EPHA7: variants seen among roughly 807,000 people sequenced by gnomAD.
The protein encoded by EPHA7 is EPH receptor A7.
Under a neutral mutation model 112.6 loss-of-function variants are expected in EPHA7, and 25 were observed. That is an observed-to-expected ratio of 0.22 (90% CI 0.16 to 0.31). EPHA7 has a LOEUF of 0.31. Ranked by LOEUF, EPHA7 falls within the 10% of genes least tolerant of loss-of-function variation. The probability of loss-of-function intolerance (pLI) is 1.00; values close to 1 mark genes in which losing one functional copy is unlikely to be tolerated. For synonymous variants in EPHA7, 437 were observed against 406.5 expected (o/e 1.07, Z -0.90); for missense variants, 962 against 1,212.6 (o/e 0.79, Z 3.07).
At chr6:93,269,000 C>A (rs932778352) in intron 7 of EPHA7, among the ~76,000 whole-genome samples, 1 of 151,744 alleles carries the variant, frequency 6.6e-6, no homozygotes, top group Non-Finnish European at 1.5e-5. Flanking sequence ...CCTTCCTGAA[C>A]TCTAATTTTT....
In EPHA7 at chr6:93,256,055, T is replaced by C. The variant is rs977322542; in HGVS notation, c.2173-18A>G. The C allele has an allele frequency of 1.9e-6, 3 of 1,611,964 alleles. No individual in the cohort carries two copies. The highest frequency in any genetic ancestry group is 1.7e-5 in the Admixed American group (1 of 59,952). On this transcript the variant is annotated intron_variant, in intron 12 of 16. Coordinates refer to ENST00000369303, the MANE Select transcript of EPHA7 (RefSeq NM_004440.4). ...TCATGTTTCTGCAGGAAGACAAAAA[T>C]AAAAGCCCAGTTAACTGCATACTTT...
chr6:93,389,105 T>C (rs1236963604), intron 3 of EPHA7, among the ~76,000 whole-genome samples: 1 of 152,032 alleles, frequency 6.6e-6, no homozygotes, highest in African/African-American at 2.4e-5. Context: ...AGAGAATCAA[T>C]AAGATTTCTG....
At chr6:93,269,336 A>G in intron 7 of EPHA7, 141 bp downstream of exon 7, 3 of 592,552 alleles carry the variant, frequency 5.1e-6, no homozygotes, top group Non-Finnish European at 7.9e-6. Context: ...GAACTTTTAC[A>G]AAGTACATTT....
chr6:93,383,218 C>T lies in EPHA7; in HGVS notation c.833-24807G>A, dbSNP rs142624616. 5.1e-3 allele frequency among the ~76,000 whole-genome samples: 771 copies of T among 150,876 alleles called. 2 individuals carry two copies. Among genetic ancestry groups the T allele is most frequent in the African/African-American group, 0.018 (727 of 40,930 alleles). ...GTGTATATATATACATATATACATA[C>T]ACATATACATATATATAAAATATAC... is the stretch of plus-strand genomic sequence containing the variant. On this transcript the variant is annotated intron_variant, in intron 3 of 16. Coordinates refer to ENST00000369303, the MANE Select transcript of EPHA7 (RefSeq NM_004440.4).
At chr6:93,374,199 A>G (rs1430477974) in intron 3 of EPHA7, among the ~76,000 whole-genome samples, 1 of 152,176 alleles carries the variant, frequency 6.6e-6, no homozygotes, top group Non-Finnish European at 1.5e-5. Flanking sequence ...TATATTTGCT[A>G]AATTTCTAAA....
At chr6:93,409,719 C>G (rs1471588074) in intron 3 of EPHA7, 2 of 150,728 alleles carry the variant, frequency 1.3e-5, no homozygotes, top group African/African-American at 4.9e-5. Context: ...CTTGAAGGTC[C>G]ATATGACATA....
Position 93,272,886 on chromosome 6 carries a change from T to A in EPHA7, c.1325-464A>T, listed in dbSNP as rs149579297. Reference sequence around the variant, plus strand: ...TCTTCAATTAAAGGAATCATATTTTTAAAAATGTTTCCATGTTTCACTTGG... The same window carrying A: ...TCTTCAATTAAAGGAATCATATTTTAAAAAATGTTTCCATGTTTCACTTGG... On this transcript the variant is annotated intron_variant, in intron 5 of 16. Transcript: ENST00000369303. Among the ~76,000 whole-genome samples, 769 of 152,096 alleles carry A rather than the reference T, an allele frequency of 5.1e-3. 8 individuals carry two copies. Among genetic ancestry groups the A allele is most frequent in the South Asian group, 0.016 (78 of 4,826 alleles).
chr6:93,253,508 T>C (rs1582394069), intron 14 of EPHA7, among the ~76,000 whole-genome samples: 1 of 152,104 alleles, frequency 6.6e-6, no homozygotes, highest in Admixed American at 6.6e-5. Context: ...AGACCCAATG[T>C]AGATTTTCCT....
At chr6:93,318,293 A>C (rs1308358239) in intron 5 of EPHA7, among the ~76,000 whole-genome samples, 3 of 152,054 alleles carry the variant, frequency 2.0e-5, no homozygotes, top group Non-Finnish European at 4.4e-5. Context: ...ATTGGCCTGC[A>C]TGTCTCCATA....
intron 3 of EPHA7, among the ~76,000 whole-genome samples, chr6:93,402,542 G>A (rs479704): frequency 0.16 from 23,891 of 151,800 alleles, 3,090 homozygotes; most frequent in African/African-American, 0.36. Context: ...CAAGTATTTT[G>A]AGTTTCTGAA....
At position 93,412,903 on chromosome 6, in the gene EPHA7, C is replaced by A. The variant is rs143560095; in HGVS notation, c.163-1733G>T. On this transcript the variant is annotated intron_variant, in intron 2 of 16. Coordinates refer to ENST00000369303, the MANE Select transcript of EPHA7 (RefSeq NM_004440.4). ...TTCATTTATTCTGTATAAGAAAAAT[C>A]AATTTTACTACCCTTGAAACCCAAT... Among the ~76,000 whole-genome samples, 1,486 of 152,020 alleles carry A rather than the reference C, an allele frequency of 9.8e-3. 28 individuals carry two copies. Among genetic ancestry groups the A allele is most frequent in the African/African-American group, 0.033 (1,389 of 41,508 alleles).
chr6:93,396,494 T>G (rs1778179452), intron 3 of EPHA7, among the ~76,000 whole-genome samples: 1 of 151,938 alleles, frequency 6.6e-6, no homozygotes, highest in African/African-American at 2.4e-5. Flanking sequence ...AATTACATGC[T>G]GCTTGAGATC....
Position 93,353,795 on chromosome 6 carries a change from G to C in EPHA7, c.1324+2922C>G, listed in dbSNP as rs80234255. On this transcript the variant is annotated intron_variant, in intron 5 of 16. Transcript: ENST00000369303. Reference sequence around the variant, plus strand: ...AAAATGTATATACCTCATAGTGGTAGACTAGAAACTAGAACTCAGGGCCCT... The same window carrying C: ...AAAATGTATATACCTCATAGTGGTACACTAGAAACTAGAACTCAGGGCCCT... 6.1e-4 allele frequency among the ~76,000 whole-genome samples: 93 copies of C among 151,988 alleles called. 1 individual carries two copies. In the East Asian group the frequency reaches 0.015, roughly 24 times the overall value.
intron 15 of EPHA7, among the ~76,000 whole-genome samples, chr6:93,246,569 G>A (rs1400078100): frequency 2.0e-5 from 3 of 151,996 alleles, no homozygotes; most frequent in Non-Finnish European, 4.4e-5. Flanking sequence ...AGTGATACTT[G>A]TAAGTTTAAA....
At chr6:93,282,772 G>A (rs1329708046) in intron 5 of EPHA7, among the ~76,000 whole-genome samples, 2 of 152,204 alleles carry the variant, frequency 1.3e-5, no homozygotes, top group African/African-American at 2.4e-5. Flanking sequence ...CGAGCAGTGA[G>A]GGGCTTAGCA....
At chr6:93,283,962 A>T (rs973265824) in intron 5 of EPHA7, among the ~76,000 whole-genome samples, 1 of 152,216 alleles carries the variant, frequency 6.6e-6, no homozygotes, top group African/African-American at 2.4e-5. Flanking sequence ...AATTGAAGGT[A>T]TGCCTATTCT....
chr6:93,385,916 G>C (rs768490025), intron 3 of EPHA7, among the ~76,000 whole-genome samples: 61 of 152,168 alleles, frequency 4.0e-4, no homozygotes, highest in Non-Finnish European at 7.5e-4. Flanking sequence ...GGCAGCAGGA[G>C]AGAGAAGTGC....
intron 3 of EPHA7, among the ~76,000 whole-genome samples, chr6:93,383,960 T>C (rs867580414): frequency 3.9e-5 from 6 of 152,140 alleles, no homozygotes; most frequent in African/African-American, 9.7e-5. Flanking sequence ...AGTGCTGGTA[T>C]TACAGATATG....
At chr6:93,246,659 AT>A in intron 15 of EPHA7, 132 bp downstream of exon 15, 1 of 663,350 alleles carries the variant, frequency 1.5e-6, no homozygotes, top group Non-Finnish European at 2.4e-6. Context: ...ACTTCAGTAA[AT>A]GCAATACATT....
Sources: gnomAD v4.1 joint callset for allele counts (sites outside exome capture counted in the v4.1 genomes callset) on GRCh38, gnomAD v4.1.1 for gene constraint, MANE v1.5 for transcripts, NCBI Gene and HGNC (gene_info 2026-07-23, HGNC 2026-07-21) for gene names.